Variants in NECTIN1 observed in about 807,000 individuals in gnomAD.
The protein encoded by NECTIN1 is nectin cell adhesion molecule 1.
In NECTIN1, 23 loss-of-function variants were observed where a neutral mutation model predicts 48.0. The observed-to-expected ratio is 0.48, with a 90% CI of 0.34 to 0.68. The LOEUF is 0.68. Ranked by LOEUF, NECTIN1 falls within the 30% of genes least tolerant of loss-of-function variation. The pLI is 0.01. For missense variants in NECTIN1, 591 were observed against 709.9 expected, an observed-to-expected ratio of 0.83 and a Z score of 1.90; for synonymous variants, 270 against 288.9, an observed-to-expected ratio of 0.93 and a Z score of 0.66.
intron 1 of NECTIN1, among the ~76,000 whole-genome samples, chr11:119,700,910 T>C (rs1266710983): frequency 1.3e-5 from 2 of 152,206 alleles, no homozygotes; most frequent in African/African-American, 4.8e-5. Context: ...ACAGTAGCAC[T>C]GGAGCTTCTG....
intron 1 of NECTIN1, among the ~76,000 whole-genome samples, chr11:119,692,430 T>G (rs971499412): frequency 1.3e-5 from 2 of 150,608 alleles, no homozygotes; most frequent in Non-Finnish European, 3.0e-5. Flanking sequence ...TGTGTGTGTG[T>G]GGGTGGCGGG....
chr11:119,720,656 C>T (rs1005149473), intron 1 of NECTIN1, among the ~76,000 whole-genome samples: 1 of 152,268 alleles, frequency 6.6e-6, no homozygotes, highest in African/African-American at 2.4e-5. Flanking sequence ...TGGACACCTC[C>T]TTCAAGCCAT....
In NECTIN1 at chr11:119,678,815, C is replaced by G. The variant is rs771229149; in HGVS notation, c.80-50G>C. The G allele has an allele frequency of 2.3e-6, 3 of 1,289,564 alleles. No individual in the cohort carries two copies. The highest frequency in any genetic ancestry group is 1.9e-5 in the Admixed American group (1 of 51,640). The allele number at this position is 1,289,564 out of a possible 1,614,324, so 79.9% of individuals were successfully genotyped here. On this transcript the variant is annotated intron_variant, in intron 1 of 5. Transcript: ENST00000264025. This position sits in a 1 kb window ranked among gnomAD's most constrained non-coding sequence, Gnocchi z 4.4. ...GGTCAGTGTCAGGCACAGCCTCCCC[C>G]CACCCACACAGTTCCCTGTGCTCTG...
chr11:119,673,360 G>A lies in NECTIN1; in HGVS notation c.1003+1799C>T, dbSNP rs1041813852. Among the ~76,000 whole-genome samples, 2 of 152,144 alleles carry A rather than the reference G, an allele frequency of 1.3e-5. No homozygotes were observed. The highest frequency in any genetic ancestry group is 2.4e-5 in the African/African-American group (1 of 41,418). ...CATGCGTCCCTGGCTCCTGCCTAAC[G>A]GGGCTGCCAGCAAGAGCCATGTTGT... On this transcript the variant is annotated intron_variant, in intron 5 of 5. Transcript: ENST00000264025. The surrounding 1 kb of genome is among the most constrained non-coding windows in gnomAD (Gnocchi z 5.8).
At chr11:119,715,098 G>T (rs1038481482) in intron 1 of NECTIN1, among the ~76,000 whole-genome samples, 8 of 152,224 alleles carry the variant, frequency 5.3e-5, no homozygotes, top group African/African-American at 1.9e-4. Context: ...ATGGAGGGTG[G>T]TGAGTACCCT....
chr11:119,676,988 A>G lies in NECTIN1; in HGVS notation c.851+114T>C. 10 of 881,510 alleles carry G rather than the reference A, an allele frequency of 1.1e-5. No individual in the cohort carries two copies. In the South Asian group the frequency reaches 1.3e-4, roughly 12 times the overall value. The allele number at this position is 881,510 out of a possible 1,614,324, so 54.6% of individuals were successfully genotyped here. A position where few individuals can be genotyped will look rare whatever the true frequency, so the allele number is the denominator to read the frequency against. Reference sequence around the variant, plus strand: ...CATGGCCCCGCTTCTTACTGAGCCCAGACCCTAATTTCTTCCCTGCCTAAA... The same window carrying G: ...CATGGCCCCGCTTCTTACTGAGCCCGGACCCTAATTTCTTCCCTGCCTAAA... On this transcript the variant is annotated intron_variant, in intron 4 of 5. Transcript: ENST00000264025.
intron 5 of NECTIN1, chr11:119,674,752 C>T (rs1018662142): frequency 1.2e-6 from 2 of 1,603,830 alleles, no homozygotes; most frequent in African/African-American, 1.3e-5. Flanking sequence ...CACTTTCTGG[C>T]CCATGAAGAG....
intron 1 of NECTIN1, among the ~76,000 whole-genome samples, chr11:119,712,025 T>C (rs1865657690): frequency 6.6e-6 from 1 of 152,176 alleles, no homozygotes; most frequent in Non-Finnish European, 1.5e-5. Context: ...AGGGCTCCGG[T>C]GCACAGCAGA....
At chr11:119,711,045 G>GTT (rs1865634866) in intron 1 of NECTIN1, among the ~76,000 whole-genome samples, 1 of 143,156 alleles carries the variant, frequency 7.0e-6, no homozygotes, top group South Asian at 2.2e-4. Flanking sequence ...TGGCATGGGG[G>GTT]TTAAATAGGG....
rs370194901 is a variant in NECTIN1 at position 119,664,547 on chromosome 11, G to A, written c.*200C>T. ...CGAACACAACACCATGGGGAAGGGC[G>A]GAGGAGAGGGAGGAAATAAAACACA... is the stretch of plus-strand genomic sequence containing the variant. On this transcript the variant is annotated 3_prime_UTR_variant, in exon 6 of 6. Transcript: ENST00000264025. 2.0e-5 allele frequency: 28 copies of A among 1,427,780 alleles called. No individual in the cohort carries two copies. The highest frequency in any genetic ancestry group is 1.8e-4 in the East Asian group (7 of 39,658). 88.4% of individuals were successfully genotyped at this position (1,427,780 alleles called of 1,614,324 possible).
At chr11:119,648,358 A>G (rs199607747) in intron 5 of NECTIN1, among the ~76,000 whole-genome samples, 62 of 1,266 alleles carry the variant, frequency 0.049, 6 homozygotes, top group African/African-American at 0.11. Context: ...GGTGGTGGTG[A>G]TGCTGGTGAT....
chr11:119,644,171 G>T (rs1864362320), intron 5 of NECTIN1, among the ~76,000 whole-genome samples: 1 of 152,238 alleles, frequency 6.6e-6, no homozygotes, highest in South Asian at 2.1e-4. Flanking sequence ...CTGTCACATG[G>T]TGACAGTGCA....
intron 4 of NECTIN1, among the ~76,000 whole-genome samples, chr11:119,676,287 C>T (rs938355995): frequency 1.3e-5 from 2 of 152,212 alleles, no homozygotes; most frequent in Non-Finnish European, 2.9e-5. Context: ...CTAGCAGCTC[C>T]TGGGTCCACA....
chr11:119,715,050 A>C (rs145530524), intron 1 of NECTIN1, among the ~76,000 whole-genome samples: 2,041 of 152,168 alleles, frequency 0.013, 44 homozygotes, highest in Admixed American at 0.056. Context: ...TTCAGGGGGA[A>C]GGGGGAGCTG....
At position 119,684,266 on chromosome 11, in the gene NECTIN1, TG is replaced by T. The variant is rs1278387447; in HGVS notation, c.80-5502del. Among the ~76,000 whole-genome samples, 1 of 152,368 alleles carries T rather than the reference TG, an allele frequency of 6.6e-6. No individual in the cohort carries two copies. The highest frequency in any genetic ancestry group is 1.9e-4 in the East Asian group (1 of 5,182). On this transcript the variant is annotated intron_variant, in intron 1 of 5. Coordinates refer to ENST00000264025, the MANE Select transcript of NECTIN1 (RefSeq NM_002855.5). This position sits in a 1 kb window ranked among gnomAD's most constrained non-coding sequence, Gnocchi z 5.2. The stretch of plus-strand genomic sequence containing the variant: ...CTGGCATAAACCACTTCTTTTGTCC[TG>T]GCTGTGCCAGCCCACCCCAGCCCCT...
intron 1 of NECTIN1, among the ~76,000 whole-genome samples, chr11:119,710,996 G>A (rs1865633895): frequency 6.6e-6 from 1 of 151,668 alleles, no homozygotes; most frequent in Non-Finnish European, 1.5e-5. Context: ...GGGAGGGGAG[G>A]TGTCAAGTAA....
chr11:119,685,494 T>G (rs1488183770), intron 1 of NECTIN1, among the ~76,000 whole-genome samples: 2 of 152,206 alleles, frequency 1.3e-5, no homozygotes, highest in Non-Finnish European at 2.9e-5. Flanking sequence ...ATGGGGGTGC[T>G]CTGGCAAGTC....
intron 5 of NECTIN1, chr11:119,640,784 T>A (rs905717230): frequency 6.6e-6 from 1 of 152,252 alleles, no homozygotes; most frequent in African/African-American, 2.4e-5. Context: ...GCCCTTCCAG[T>A]TCCTCCTTCT....
At chr11:119,680,581 A>C (rs1023043021) in intron 1 of NECTIN1, among the ~76,000 whole-genome samples, 1 of 152,222 alleles carries the variant, frequency 6.6e-6, no homozygotes, top group Non-Finnish European at 1.5e-5. Flanking sequence ...CTTCCGCTCG[A>C]GAGGCCACAG....
Sources: allele counts gnomAD v4.1 joint callset (sites outside exome capture counted in the v4.1 genomes callset), GRCh38; gene constraint gnomAD v4.1.1; non-coding constraint Gnocchi (gnomAD v3.1); transcripts MANE v1.5; gene names NCBI Gene and HGNC (gene_info 2026-07-23, HGNC 2026-07-21).